The following GPM6A variants were observed in gnomAD, a reference collection of about 807,000 sequenced individuals.
GPM6A encodes glycoprotein M6A.
GPM6A carries 7 observed loss-of-function variants against 32.1 expected under a neutral mutation model. The observed-to-expected ratio is 0.22, with a 90% confidence interval of 0.12 to 0.41. The LOEUF is 0.41. Ranked by LOEUF, GPM6A falls within the 10% of genes least tolerant of loss-of-function variation. The probability of loss-of-function intolerance (pLI) is 1.00; values close to 1 mark genes in which losing one functional copy is unlikely to be tolerated. For missense variants in GPM6A, 235 were observed against 347.2 expected (o/e 0.68, Z 2.57); for synonymous variants, 130 against 123.4 (o/e 1.05, Z -0.35).
chr4:175,712,706 C>G (rs776337642), intron 1 of GPM6A, among the ~76,000 whole-genome samples: 1 of 152,162 alleles, frequency 6.6e-6, no homozygotes, highest in African/African-American at 2.4e-5. Context: ...CATGCTCACT[C>G]CTTTTTTCTA....
intron 1 of GPM6A, among the ~76,000 whole-genome samples, chr4:175,818,210 A>G (rs941607614): frequency 2.4e-4 from 37 of 152,138 alleles, no homozygotes; most frequent in Admixed American, 1.0e-3. Flanking sequence ...CCTGCTGTTC[A>G]TTCATTCATC....
At chr4:175,812,338 T>TTTTTTA, upstream of GPM6A, 4 of 1,328,586 alleles carry the variant, frequency 3.0e-6, no homozygotes, top group Non-Finnish European at 3.9e-6. Flanking sequence ...TTTTTTTTTT[T>TTTTTTA]TTCCTGGGAA....
At chr4:175,992,253 A>C (rs1053446221) in intron 1 of GPM6A, among the ~76,000 whole-genome samples, 4 of 152,132 alleles carry the variant, frequency 2.6e-5, no homozygotes, top group African/African-American at 9.7e-5. Context: ...GTCTCAGATA[A>C]TTCCTGGTAA....
rs575749829 is a variant in GPM6A at position 175,851,253 on chromosome 4, A to G, written c.-22-39004T>C. Among the ~76,000 whole-genome samples the G allele has an allele frequency of 6.0e-5, 9 of 151,152 alleles. No individual in the cohort carries two copies. The South Asian group carries it at 1.9e-3, about 32-fold the overall frequency. On this transcript the variant is annotated intron_variant, in intron 1 of 7. Coordinates refer to the GPM6A transcript ENST00000280187. ...GCACCTGTAATCCCTTTGAGAGGCC[A>G]AGGTGGGCGGATCACAAGGTCAGGA...
intron 1 of GPM6A, among the ~76,000 whole-genome samples, chr4:175,917,599 C>T (rs1398871040): frequency 6.6e-6 from 1 of 152,128 alleles, no homozygotes. Flanking sequence ...TAAAAATCCA[C>T]CTAACAGATG....
At chr4:175,960,799 A>G (rs562190071) in intron 1 of GPM6A, 5 of 152,212 alleles carry the variant, frequency 3.3e-5, no homozygotes, top group Non-Finnish European at 5.9e-5. Flanking sequence ...GATCTCTTCA[A>G]ATTCTAAAAT....
chr4:175,700,526 A>G (rs1744818609), intron 2 of GPM6A, among the ~76,000 whole-genome samples: 1 of 152,230 alleles, frequency 6.6e-6, no homozygotes, highest in Non-Finnish European at 1.5e-5. Context: ...GAATGATAAG[A>G]TTAAAAAGCA....
intron 1 of GPM6A, among the ~76,000 whole-genome samples, chr4:175,979,508 C>T (rs1205194468): frequency 1.3e-5 from 2 of 152,024 alleles, no homozygotes; most frequent in South Asian, 4.1e-4. Context: ...GTTTTTTGTC[C>T]TTGCGATAGT....
chr4:175,812,874 T>G (rs1032662714), upstream of GPM6A: 2 of 985,310 alleles, frequency 2.0e-6, no homozygotes, highest in African/African-American at 3.5e-5. Context: ...TTAATTTGAT[T>G]TAAGGTGCCA....
intron 1 of GPM6A, among the ~76,000 whole-genome samples, chr4:175,896,116 C>G (rs934896694): frequency 3.3e-5 from 5 of 152,124 alleles, no homozygotes; most frequent in Non-Finnish European, 7.3e-5. Flanking sequence ...TCAGTAAACT[C>G]ACTAGTTTCC....
At chr4:175,956,048 C>T (rs1739975258) in intron 1 of GPM6A, among the ~76,000 whole-genome samples, 1 of 152,180 alleles carries the variant, frequency 6.6e-6, no homozygotes, top group Non-Finnish European at 1.5e-5. Flanking sequence ...AGGGCAACCC[C>T]AAATAGGTCC....
At chr4:175,703,160 C>A (rs58319321) in intron 1 of GPM6A, among the ~76,000 whole-genome samples, 1 of 151,950 alleles carries the variant, frequency 6.6e-6, no homozygotes, top group African/African-American at 2.4e-5. Flanking sequence ...TAGATGTAAC[C>A]TAACTATTAT....
At chr4:175,681,855 A>G (rs1169489544) in intron 2 of GPM6A, among the ~76,000 whole-genome samples, 1 of 152,202 alleles carries the variant, frequency 6.6e-6, no homozygotes, top group Non-Finnish European at 1.5e-5. Context: ...TAATGCAAGA[A>G]TGGTCTAACA....
At chr4:175,739,446 C>T (rs1266624755) in intron 1 of GPM6A, among the ~76,000 whole-genome samples, 2 of 152,046 alleles carry the variant, frequency 1.3e-5, no homozygotes, top group African/African-American at 2.4e-5. Context: ...TCTTTCTAAG[C>T]CTACAGATGA....
chr4:175,726,038 G>A (rs1312951844), intron 1 of GPM6A, among the ~76,000 whole-genome samples: 4 of 136,486 alleles, frequency 2.9e-5, no homozygotes, highest in African/African-American at 1.1e-4. Context: ...TGTTGTCCAG[G>A]CTGGAGTGCA....
intron 1 of GPM6A, among the ~76,000 whole-genome samples, chr4:175,906,074 G>T (rs542469725): frequency 6.6e-6 from 1 of 152,196 alleles, no homozygotes; most frequent in African/African-American, 2.4e-5. Context: ...GGCCCATTAA[G>T]TCATCTTTCT....
At chr4:175,951,617 A>G (rs1739815669) in intron 1 of GPM6A, among the ~76,000 whole-genome samples, 1 of 152,246 alleles carries the variant, frequency 6.6e-6, no homozygotes, top group Non-Finnish European at 1.5e-5. Flanking sequence ...GAATACGCAC[A>G]GTTAATAAGT....
chr4:175,661,334 C>T (rs1742398222), intron 3 of GPM6A, among the ~76,000 whole-genome samples: 1 of 151,214 alleles, frequency 6.6e-6, no homozygotes, highest in African/African-American at 2.4e-5. Context: ...ACTTGGGAGG[C>T]TGAGCCAGGA....
intron 1 of GPM6A, among the ~76,000 whole-genome samples, chr4:175,940,249 G>A (rs1739363793): frequency 6.6e-6 from 1 of 152,134 alleles, no homozygotes; most frequent in Non-Finnish European, 1.5e-5. Flanking sequence ...ATGTTTGGGA[G>A]CAGCATCACA....
Sources: allele counts gnomAD v4.1 joint callset (sites outside exome capture counted in the v4.1 genomes callset), GRCh38; gene constraint gnomAD v4.1.1; transcripts MANE v1.5; gene names NCBI Gene and HGNC (gene_info 2026-07-23, HGNC 2026-07-21).